Variants in MX1 observed in about 807,000 individuals in gnomAD.
The protein encoded by MX1 is MX dynamin like GTPase 1, also known as interferon-induced GTP-binding protein Mx1.
A neutral mutation model predicts 66.4 loss-of-function variants in MX1; 66 were observed. The observed-to-expected ratio is 0.99, with a 90% CI of 0.82 to 1.22. The LOEUF is 1.22. Ranked by LOEUF, MX1 falls within the 50% of genes most tolerant of loss-of-function variation. The probability of loss-of-function intolerance (pLI) is 0.00; values close to 1 mark genes in which losing one functional copy is unlikely to be tolerated. For missense variants in MX1, 787 were observed against 834.3 expected, an observed-to-expected ratio of 0.94 and a Z score of 0.70; for synonymous variants, 311 against 318.1, an observed-to-expected ratio of 0.98 and a Z score of 0.24.
chr21:41,436,992 C>T, intron 6 of MX1, 23 bp from the exon 7 acceptor site: 1 of 1,613,086 alleles, frequency 6.2e-7, no homozygotes, highest in South Asian at 1.1e-5. Context: ...AAGTGGAGCA[C>T]TGATGTGGGC....
intron 16 of MX1, among the ~76,000 whole-genome samples, chr21:41,454,506 G>A (rs1296372826): frequency 6.6e-6 from 1 of 152,168 alleles, no homozygotes; most frequent in African/African-American, 2.4e-5. Flanking sequence ...GAGGGGGTCT[G>A]TTGAGTTGGC....
In MX1 at chr21:41,439,840, G is replaced by A. The variant is rs549609996; in HGVS notation, c.583G>A (p.Gly195Arg). 1.2e-6 allele frequency: 2 copies of A among 1,613,850 alleles called. No individual in the cohort carries two copies. Among genetic ancestry groups the A allele is most frequent in the South Asian group, 2.2e-5 (2 of 91,038 alleles). Residue 195 changes from glycine to arginine, a missense_variant, in exon 8 of 17, where the codon GGG becomes AGG. Gly to Arg is a moderately radical substitution (Grantham distance 125). Coordinates refer to ENST00000398598, the MANE Select transcript of MX1 (RefSeq NM_002462.5). ...TGTGGGCAATCAGCCTGCTGACATT[G>A]GGTATAAGGTCAGACTTCAGACCCA... The part of the protein sequence containing the change: ...VAVGNQPADI[G>R]YKIKTLIKKY...
intron 10 of MX1, among the ~76,000 whole-genome samples, chr21:41,442,429 G>T (rs973267033): frequency 6.6e-6 from 1 of 152,158 alleles, no homozygotes; most frequent in Admixed American, 6.5e-5. Context: ...AAAGTTTAAA[G>T]TTAAATATTA....
intron 11 of MX1, among the ~76,000 whole-genome samples, chr21:41,444,563 C>G (rs923770206): frequency 1.3e-5 from 2 of 151,990 alleles, no homozygotes; most frequent in Non-Finnish European, 2.9e-5. Flanking sequence ...ATTTTCAACT[C>G]AGCACCAGAG....
At chr21:41,452,918 T>C in intron 16 of MX1, 49 bp downstream of exon 16, 1 of 1,597,660 alleles carries the variant, frequency 6.3e-7, no homozygotes, top group South Asian at 1.1e-5. Flanking sequence ...TTTCCTTTTC[T>C]TCTGAACGCC....
chr21:41,458,378 TTGA>T (rs2091004869), intron 16 of MX1, 147 bp from the exon 17 acceptor site: 1 of 833,052 alleles, frequency 1.2e-6, no homozygotes, highest in Admixed American at 2.4e-5. Context: ...ATGGAGGAGA[TTGA>T]TGGGTTTGAA....
rs1310615570 is a variant in MX1, at chr21:41,458,693, T to A, written c.1924T>A (p.Phe642Ile). Reference sequence around the variant, plus strand: ...GAGCGACACCAGCGACAAGCGGAAGTTCCTGAAGGAGCGGCTTGCACGGCT... The same window carrying A: ...GAGCGACACCAGCGACAAGCGGAAGATCCTGAAGGAGCGGCTTGCACGGCT... ...ERSDTSDKRKFLKERLARLTQ... is the reference protein window; with the variant it reads ...ERSDTSDKRKILKERLARLTQ... The change falls in exon 17 of 17, where the codon TTC becomes ATC. Residue 642 changes from phenylalanine to isoleucine, a missense_variant. By Grantham distance (21) the Phe-to-Ile change is conservative (BLOSUM62 0). Coordinates refer to ENST00000398598, the MANE Select transcript of MX1 (RefSeq NM_002462.5). 15 of 1,614,044 alleles carry A rather than the reference T, an allele frequency of 9.3e-6. No homozygotes were observed. Among genetic ancestry groups the A allele is most frequent in the Non-Finnish European group, 1.1e-5 (13 of 1,180,044 alleles).
chr21:41,423,493 C>T (rs1057003923), upstream of MX1, among the ~76,000 whole-genome samples: 1 of 152,182 alleles, frequency 6.6e-6, no homozygotes, highest in Non-Finnish European at 1.5e-5. Context: ...TCTTTACTTC[C>T]TGTTTTTGCC....
At chr21:41,424,295 C>G (rs2146022055), upstream of MX1, among the ~76,000 whole-genome samples, 1 of 151,210 alleles carries the variant, frequency 6.6e-6, no homozygotes, top group Non-Finnish European at 1.5e-5. Context: ...CCTGGGAGAA[C>G]TTGTGTTCCC....
At chr21:41,431,870 T>C (rs1388094237) in intron 4 of MX1, 180 bp from the exon 5 acceptor site, 2 of 554,082 alleles carry the variant, frequency 3.6e-6, no homozygotes, top group Non-Finnish European at 6.4e-6. Flanking sequence ...TTTCCGTGAA[T>C]AAAAAGCCAG....
At chr21:41,445,734 G>A in intron 12 of MX1, 164 bp downstream of exon 12, 1 of 1,022,618 alleles carries the variant, frequency 9.8e-7, no homozygotes, top group Non-Finnish European at 1.4e-6. Context: ...AGGGCAGGGA[G>A]TGCAGATGTG....
rs758195761 is a variant in MX1 at position 41,441,064 on chromosome 21, G to C, written c.730+39G>C. ...AGCCCCACTGTGCTCAGTGAGAATG[G>C]GGGAGCCCGCCTGTGCTCGGTGAGA... On this transcript the variant is annotated intron_variant, in intron 9 of 16. Transcript: ENST00000398598. This position sits in a 1 kb window ranked among gnomAD's most constrained non-coding sequence, Gnocchi z 4.0. 3 of 1,520,240 alleles carry C rather than the reference G, an allele frequency of 2.0e-6. No individual in the cohort carries two copies. Among genetic ancestry groups the C allele is most frequent in the Admixed American group, 1.8e-5 (1 of 57,030 alleles). 94.2% of individuals were successfully genotyped at this position (1,520,240 alleles called of 1,614,324 possible).
At chr21:41,440,205 A>G (rs75277079) in intron 8 of MX1, among the ~76,000 whole-genome samples, 1,559 of 152,346 alleles carry the variant, frequency 0.01, 30 homozygotes, top group African/African-American at 0.035. Flanking sequence ...AGCATTAAAA[A>G]TAAGTATAAT....
chr21:41,420,721 G>A (rs2089983928), exon 1 of MX1: 1 of 152,348 alleles, frequency 6.6e-6, no homozygotes, highest in African/African-American at 2.4e-5. Context: ...ACCACGCTGT[G>A]CCCGGATCCC....
chr21:41,441,463 A>G lies in MX1; in HGVS notation c.731-253A>G, dbSNP rs1055062203. 2 of 557,684 alleles carry G rather than the reference A, an allele frequency of 3.6e-6. No homozygotes were observed. The highest frequency in any genetic ancestry group is 6.1e-5 in the East Asian group (2 of 32,808). The allele number at this position is 557,684 out of a possible 1,614,324, so 34.5% of individuals were successfully genotyped here. A position where few individuals can be genotyped will look rare whatever the true frequency, so the allele number is the denominator to read the frequency against. On this transcript the variant is annotated intron_variant, in intron 9 of 16. Coordinates refer to ENST00000398598, the MANE Select transcript of MX1 (RefSeq NM_002462.5). This position sits in a 1 kb window ranked among gnomAD's most constrained non-coding sequence, Gnocchi z 4.0. ...GGATAAACAAAACGTGGCGTGTTCT[A>G]CAGTGGACCCGGGTGAAGGAGCTTG... is the stretch of plus-strand genomic sequence containing the variant.
chr21:41,445,788 T>A, intron 12 of MX1: 1 of 823,612 alleles, frequency 1.2e-6, no homozygotes, highest in Non-Finnish European at 1.9e-6. Flanking sequence ...GCGTTGTGCC[T>A]ACTCTGTCAC....
intron 5 of MX1, among the ~76,000 whole-genome samples, chr21:41,434,384 C>T (rs184210022): frequency 2.6e-4 from 40 of 152,270 alleles, no homozygotes; most frequent in Admixed American, 2.6e-3. Context: ...AGTCCTCTGA[C>T]TTTGTTCTTC....
intron 11 of MX1, 38 bp from the exon 12 acceptor site, chr21:41,445,410 T>G (rs2090632453): frequency 6.2e-7 from 1 of 1,612,252 alleles, no homozygotes; most frequent in Non-Finnish European, 8.5e-7. Flanking sequence ...TCTGTTCATC[T>G]TTACACATTT....
rs1167347030 is a variant in MX1, at chr21:41,427,836, A to C, written c.-128A>C. The C allele has an allele frequency of 6.6e-6, 1 of 152,276 alleles. No individual in the cohort carries two copies. The highest frequency in any genetic ancestry group is 1.9e-4 in the East Asian group (1 of 5,204). The allele number at this position is 152,276 out of a possible 1,614,324, so 9.4% of individuals were successfully genotyped here. On this transcript the variant is annotated 5_prime_UTR_variant, in exon 3 of 17. Transcript: ENST00000398598. ...CTCCCACTCCCTGAAATCTGGAGTG[A>C]AGAACGCCGCCATCCAGCCACCATT...
Sources: gnomAD v4.1 joint callset for allele counts (sites outside exome capture counted in the v4.1 genomes callset) on GRCh38, gnomAD v4.1.1 for gene constraint, Gnocchi (gnomAD v3.1) non-coding constraint, MANE v1.5 for transcripts, NCBI Gene and HGNC (gene_info 2026-07-23, HGNC 2026-07-21) for gene names.